Variants in STIM2 observed in about 807,000 individuals in gnomAD.
The protein encoded by STIM2 is stromal interaction molecule 2.
STIM2 carries 31 observed loss-of-function variants against 85.8 expected under a neutral mutation model. The observed-to-expected ratio is 0.36, with a 90% CI of 0.27 to 0.49. The LOEUF is 0.49. Among genes scored for constraint, STIM2 ranks in the 20% least tolerant of loss-of-function variants. The pLI is 0.98. For missense variants in STIM2, 841 were observed against 927.6 expected (o/e 0.91, Z 1.21); for synonymous variants, 356 against 331.1 (o/e 1.08, Z -0.82).
At chr4:26,929,751 A>G (rs1188518555) in intron 2 of STIM2, among the ~76,000 whole-genome samples, 1 of 152,112 alleles carries the variant, frequency 6.6e-6, no homozygotes, top group Non-Finnish European at 1.5e-5. Flanking sequence ...ATACTCAAAT[A>G]GTTGCTTGGA....
chr4:26,889,010 A>T (rs531502601), intron 1 of STIM2, among the ~76,000 whole-genome samples: 4 of 152,302 alleles, frequency 2.6e-5, no homozygotes, highest in African/African-American at 9.6e-5. Flanking sequence ...GAATCATTCT[A>T]TCTCCCAGTG....
intron 1 of STIM2, among the ~76,000 whole-genome samples, chr4:26,876,358 T>G (rs373854217): frequency 6.6e-6 from 1 of 152,182 alleles, no homozygotes; most frequent in Non-Finnish European, 1.5e-5. Flanking sequence ...CTTCCCACTT[T>G]TGAGTCACAG....
At chr4:26,959,834 A>C (rs973802567) in intron 3 of STIM2, among the ~76,000 whole-genome samples, 3 of 152,108 alleles carry the variant, frequency 2.0e-5, no homozygotes, top group African/African-American at 7.2e-5. Flanking sequence ...TCCTCAGTTC[A>C]AACAGTTGGC....
intron 3 of STIM2, among the ~76,000 whole-genome samples, chr4:26,988,000 A>G (rs1280275815): frequency 6.6e-6 from 1 of 152,248 alleles, no homozygotes; most frequent in Non-Finnish European, 1.5e-5. Context: ...GTGTGTGATC[A>G]CTTGGCCTCT....
intron 1 of STIM2, among the ~76,000 whole-genome samples, chr4:26,869,331 A>T (rs1277122047): frequency 2.0e-5 from 3 of 150,820 alleles, no homozygotes; most frequent in Non-Finnish European, 4.4e-5. Context: ...GGAAGAAAAA[A>T]GTTTGTTTGG....
At chr4:27,000,507 A>G (rs1228288111) in intron 5 of STIM2, among the ~76,000 whole-genome samples, 1 of 152,182 alleles carries the variant, frequency 6.6e-6, no homozygotes, top group Non-Finnish European at 1.5e-5. Flanking sequence ...GTGGTTGGTA[A>G]AAATAGGAAT....
At chr4:27,013,855 C>T (rs981385106) in intron 10 of STIM2, among the ~76,000 whole-genome samples, 1 of 151,956 alleles carries the variant, frequency 6.6e-6, no homozygotes, top group African/African-American at 2.4e-5. Flanking sequence ...ATTTTAAATA[C>T]ATTGCCTATG....
chr4:26,973,983 C>T (rs62302537), intron 3 of STIM2, among the ~76,000 whole-genome samples: 4,015 of 152,170 alleles, frequency 0.026, 93 homozygotes, highest in Non-Finnish European at 0.04. Context: ...ATCCCTTTAC[C>T]ATTATGTAAC....
At chr4:27,003,857 T>G (rs1447641218) in intron 7 of STIM2, among the ~76,000 whole-genome samples, 1 of 152,120 alleles carries the variant, frequency 6.6e-6, no homozygotes, top group Non-Finnish European at 1.5e-5. Context: ...ATTTCTCAGC[T>G]CATGCCCCTT....
At chr4:26,901,872 A>G (rs995551086) in intron 1 of STIM2, among the ~76,000 whole-genome samples, 4 of 152,184 alleles carry the variant, frequency 2.6e-5, no homozygotes, top group Non-Finnish European at 5.9e-5. Flanking sequence ...ATATGGGTTG[A>G]TAGGTAAACA....
intron 9 of STIM2, 32 bp from the exon 10 acceptor site, chr4:27,008,732 G>C: frequency 6.3e-7 from 1 of 1,599,806 alleles, no homozygotes; most frequent in Non-Finnish European, 8.6e-7. Context: ...ACCTTTTGAT[G>C]CAGTAAGTAA....
At chr4:26,935,007 TATC>T (rs1044066620) in intron 2 of STIM2, among the ~76,000 whole-genome samples, 2 of 151,820 alleles carry the variant, frequency 1.3e-5, no homozygotes, top group African/African-American at 4.8e-5. Context: ...AAAGTGTAGA[TATC>T]ATTTTGATAA....
At chr4:26,989,158 C>G (rs558639444) in intron 3 of STIM2, among the ~76,000 whole-genome samples, 2 of 152,316 alleles carry the variant, frequency 1.3e-5, no homozygotes, top group South Asian at 4.1e-4. Context: ...TGGTCTCGAA[C>G]TCCTGTCCTC....
chr4:26,915,923 A>G (rs1724561791), intron 1 of STIM2, among the ~76,000 whole-genome samples: 1 of 152,204 alleles, frequency 6.6e-6, no homozygotes, highest in Admixed American at 6.5e-5. Flanking sequence ...AATTCTGTTT[A>G]GATGAGGAAG....
intron 10 of STIM2, among the ~76,000 whole-genome samples, chr4:27,012,663 A>G (rs998417524): frequency 2.0e-5 from 3 of 151,944 alleles, no homozygotes; most frequent in African/African-American, 7.2e-5. Context: ...TTTCCTCTTT[A>G]TTGCCCAAGC....
chr4:26,931,887 G>A (rs1725219431), intron 2 of STIM2, among the ~76,000 whole-genome samples: 1 of 152,184 alleles, frequency 6.6e-6, no homozygotes, highest in Non-Finnish European at 1.5e-5. Flanking sequence ...AGCAGAGAAT[G>A]TTAGTAAGTG....
In STIM2 at chr4:27,025,276, G is replaced by A. The variant is rs1279440764; in HGVS notation, c.*2280G>A. ...TTTCTGTATTACATCATTTATATGTGAAAAGTTGGACATTTCTGTAAGTTT... is the reference window on the plus strand; with the variant it reads ...TTTCTGTATTACATCATTTATATGTAAAAAGTTGGACATTTCTGTAAGTTT... On this transcript the variant is annotated 3_prime_UTR_variant, in exon 12 of 12. Transcript: ENST00000467087. The A allele has an allele frequency of 1.3e-5, 2 of 151,400 alleles. No homozygotes were observed. Among genetic ancestry groups the A allele is most frequent in the Admixed American group, 6.6e-5 (1 of 15,210 alleles). 9.4% of individuals were successfully genotyped at this position (151,400 alleles called of 1,614,324 possible).
At chr4:26,876,854 A>G (rs898391323) in intron 1 of STIM2, among the ~76,000 whole-genome samples, 1 of 152,164 alleles carries the variant, frequency 6.6e-6, no homozygotes, top group African/African-American at 2.4e-5. Flanking sequence ...GATGGTAAAT[A>G]GAATGTCATC....
intron 5 of STIM2, among the ~76,000 whole-genome samples, chr4:27,000,052 GTT>G (rs33929014): frequency 7.5e-5 from 11 of 145,904 alleles, no homozygotes; most frequent in African/African-American, 1.0e-4. Flanking sequence ...AAGGAATTAT[GTT>G]TTTTTTTTTT....
Sources: allele counts gnomAD v4.1 joint callset (sites outside exome capture counted in the v4.1 genomes callset), GRCh38; gene constraint gnomAD v4.1.1; transcripts MANE v1.5; gene names NCBI Gene and HGNC (gene_info 2026-07-23, HGNC 2026-07-21).